PBRM1: variants seen among roughly 807,000 people sequenced by gnomAD.
The protein encoded by PBRM1 is protein polybromo-1.
Under a neutral mutation model 194.5 loss-of-function variants are expected in PBRM1, and 27 were observed. The ratio of observed to expected loss-of-function variants is 0.14; its 90% CI spans 0.10 to 0.19. The LOEUF is 0.19. Ranked by LOEUF, PBRM1 falls within the 10% of genes least tolerant of loss-of-function variation. The pLI, the probability that PBRM1 is intolerant of heterozygous loss-of-function variation, is 1.00. For missense variants in PBRM1, 1,466 were observed against 2,077.2 expected (o/e 0.71, Z 5.72); for synonymous variants, 655 against 693.2 (o/e 0.94, Z 0.87).
At chr3:52,559,375 C>T (rs765968246) in intron 25 of PBRM1, among the ~76,000 whole-genome samples, 32 of 152,108 alleles carry the variant, frequency 2.1e-4, no homozygotes, top group Non-Finnish European at 4.1e-4. Flanking sequence ...CAGACTGAAC[C>T]CCTACTGAAG....
At chr3:52,657,083 G>T (rs914697416) in intron 5 of PBRM1, among the ~76,000 whole-genome samples, 1 of 152,152 alleles carries the variant, frequency 6.6e-6, no homozygotes, top group Admixed American at 6.5e-5. Flanking sequence ...CTTCTATGAC[G>T]TACCTAGAAT....
intron 13 of PBRM1, among the ~76,000 whole-genome samples, chr3:52,621,139 T>C (rs1253801290): frequency 6.6e-6 from 1 of 152,202 alleles, no homozygotes; most frequent in Non-Finnish European, 1.5e-5. Flanking sequence ...ATAAACTCTA[T>C]AACCAAAACA....
intron 22 of PBRM1, among the ~76,000 whole-genome samples, chr3:52,564,532 C>G (rs2084517295): frequency 6.6e-6 from 1 of 151,776 alleles, no homozygotes. Flanking sequence ...GTGGTCCCAG[C>G]TACTCGGGAG....
In PBRM1 at chr3:52,658,327, G is replaced by C; in HGVS notation, c.529-12C>G. ...TAAGCTGGAGAAGACTGGTAATGTG[G>C]AGAAAAAAGTACTTTCTAAGAGAAA... On this transcript the variant is annotated splice_polypyrimidine_tract_variant and intron_variant, in intron 4 of 29. Coordinates refer to ENST00000296302, the Ensembl canonical transcript of PBRM1. The C allele has an allele frequency of 7.3e-7, 1 of 1,371,280 alleles. No homozygotes were observed. Among genetic ancestry groups the C allele is most frequent in the Non-Finnish European group, 1.0e-6 (1 of 962,920 alleles). 84.9% of individuals were successfully genotyped at this position (1,371,280 alleles called of 1,614,324 possible).
intron 5 of PBRM1, among the ~76,000 whole-genome samples, chr3:52,657,798 T>A (rs541672037): frequency 2.0e-5 from 3 of 149,620 alleles, no homozygotes; most frequent in South Asian, 2.1e-4. Context: ...TTTTTTTTTT[T>A]AAATTTGAGA....
intron 11 of PBRM1, among the ~76,000 whole-genome samples, chr3:52,630,422 A>T (rs1021212915): frequency 1.3e-5 from 2 of 152,242 alleles, no homozygotes; most frequent in African/African-American, 2.4e-5. Context: ...ATTAAATAAA[A>T]CTTAAAATCT....
At chr3:52,600,380 G>A (rs1358138786) in intron 17 of PBRM1, among the ~76,000 whole-genome samples, 1 of 151,834 alleles carries the variant, frequency 6.6e-6, no homozygotes, top group Non-Finnish European at 1.5e-5. Flanking sequence ...ATTTTTCTTT[G>A]ACTGAGTTAT....
At chr3:52,677,244 C>T (rs552947418) in intron 2 of PBRM1, among the ~76,000 whole-genome samples, 1 of 152,002 alleles carries the variant, frequency 6.6e-6, no homozygotes, top group Non-Finnish European at 1.5e-5. Flanking sequence ...CTAAGGACAC[C>T]GTACAAAATG....
intron 29 of PBRM1, among the ~76,000 whole-genome samples, chr3:52,548,814 A>G (rs542394991): frequency 6.6e-6 from 1 of 152,310 alleles, no homozygotes; most frequent in East Asian, 1.9e-4. Flanking sequence ...ATGTGAAGAA[A>G]GGGAAAATAT....
At position 52,586,470 on chromosome 3, in the gene PBRM1, G is replaced by T. The variant is rs1276233437; in HGVS notation, c.3342C>A (p.Asp1114Glu). 6 of 1,613,846 alleles carry T rather than the reference G, an allele frequency of 3.7e-6. No homozygotes were observed. In the Admixed American group the frequency reaches 1.0e-4, roughly 27 times the overall value. The change falls in exon 20 of 30, where the codon GAC (aspartate) becomes GAA (glutamate). Residue 1114 changes from aspartate to glutamate, a missense_variant. Physicochemically the swap from Asp to Glu is conservative, Grantham distance 45. This residue lies in a region of PBRM1 where 687 missense variants were observed against 946.2 expected (regional missense o/e 0.73). Transcript: ENST00000296302. ...CTTCAGCTCGACTGTCCTCTGAGTT[G>T]TCTGTATTCTTCTCATCATCACCTT...
At chr3:52,596,633 T>C (rs2153225037) in intron 17 of PBRM1, among the ~76,000 whole-genome samples, 1 of 152,076 alleles carries the variant, frequency 6.6e-6, no homozygotes, top group East Asian at 1.9e-4. Flanking sequence ...TGTCTAGAAA[T>C]GCTGCATGGG....
chr3:52,629,647 A>C (rs1185523353), intron 11 of PBRM1, among the ~76,000 whole-genome samples: 1 of 152,234 alleles, frequency 6.6e-6, no homozygotes, highest in East Asian at 1.9e-4. Context: ...TAAAAGTCTT[A>C]AGATTCCAAG....
At chr3:52,597,932 G>C (rs181313865) in intron 17 of PBRM1, among the ~76,000 whole-genome samples, 1 of 152,290 alleles carries the variant, frequency 6.6e-6, no homozygotes, top group East Asian at 1.9e-4. Flanking sequence ...TCGAACTCCT[G>C]ACCTCAGGTG....
chr3:52,680,905 C>T (rs1018906975), upstream of PBRM1, among the ~76,000 whole-genome samples: 9 of 151,614 alleles, frequency 5.9e-5, no homozygotes, highest in African/African-American at 9.7e-5. Context: ...GTGATCCGCC[C>T]GTCAAAGGCC....
intron 4 of PBRM1, among the ~76,000 whole-genome samples, chr3:52,658,596 T>C (rs2096655745): frequency 6.6e-6 from 1 of 152,072 alleles, no homozygotes; most frequent in Non-Finnish European, 1.5e-5. Flanking sequence ...GGTTTCACTA[T>C]GTTGGCCAGG....
intron 29 of PBRM1, among the ~76,000 whole-genome samples, chr3:52,549,902 CAAAAAAAAA>C (rs775273816): frequency 8.3e-6 from 1 of 120,536 alleles, no homozygotes; most frequent in Non-Finnish European, 1.8e-5. Flanking sequence ...GAGACTGTCT[CAAAAAAAAA>C]AAAACAACCC....
At chr3:52,547,041 CA>C (rs1321409571), downstream of PBRM1, 25 of 233,146 alleles carry the variant, frequency 1.1e-4, no homozygotes, top group Non-Finnish European at 3.4e-5. Flanking sequence ...TTATACAGCT[CA>C]TATCTAGTTC....
chr3:52,683,910 T>C (rs953943159), upstream of PBRM1, among the ~76,000 whole-genome samples: 1 of 92,940 alleles, frequency 1.1e-5, no homozygotes, highest in African/African-American at 4.4e-5. Flanking sequence ...GGGGCTCATA[T>C]CTGTAGTCCC....
At chr3:52,575,437 A>G (rs1010672022) in intron 22 of PBRM1, among the ~76,000 whole-genome samples, 2 of 152,078 alleles carry the variant, frequency 1.3e-5, no homozygotes, top group African/African-American at 4.8e-5. Context: ...AGAAAAAACA[A>G]AATGAACAGA....
Sources: gnomAD v4.1 joint callset for allele counts (sites outside exome capture counted in the v4.1 genomes callset) on GRCh38, gnomAD v4.1.1 for gene constraint, gnomAD v4.1.1 regional missense constraint, MANE v1.5 for transcripts, NCBI Gene and HGNC (gene_info 2026-07-23, HGNC 2026-07-21) for gene names.